The following KLF12 variants were observed in gnomAD, a reference collection of about 807,000 sequenced individuals.
KLF12 encodes KLF transcription factor 12, also known as Krueppel-like factor 12.
In KLF12, 9 loss-of-function variants were observed where a neutral mutation model predicts 37.8. The ratio of observed to expected loss-of-function variants is 0.24; its 90% CI spans 0.14 to 0.42. KLF12 has a LOEUF of 0.42. KLF12 is among the 10% of genes least tolerant of loss of function. The pLI, the probability that KLF12 is intolerant of heterozygous loss-of-function variation, is 1.00. For synonymous variants in KLF12, 208 were observed against 202.1 expected (o/e 1.03, Z -0.25); for missense variants, 411 against 516.0 (o/e 0.80, Z 1.97).
chr13:74,163,026 A>G, the KLF12 span, among the ~76,000 whole-genome samples: 1 of 152,202 alleles, frequency 6.6e-6, no homozygotes, highest in African/African-American at 2.4e-5. Flanking sequence ...GGAATTAGTA[A>G]AATAAAAACA....
At chr13:74,037,194 C>T (rs1220246003) in intron 1 of KLF12, among the ~76,000 whole-genome samples, 1 of 143,444 alleles carries the variant, frequency 7.0e-6, no homozygotes, top group African/African-American at 2.6e-5. Context: ...CAGAGCAAGA[C>T]TCCGTCTCCA....
chr13:73,971,158 C>CA (rs1891326304), intron 2 of KLF12, among the ~76,000 whole-genome samples: 2 of 151,880 alleles, frequency 1.3e-5, no homozygotes, highest in South Asian at 2.1e-4. Context: ...ATGGTTCCGC[C>CA]AAAAAAATGC....
At chr13:74,103,042 C>A (rs1876450339) in intron 1 of KLF12, among the ~76,000 whole-genome samples, 1 of 152,206 alleles carries the variant, frequency 6.6e-6, no homozygotes, top group African/African-American at 2.4e-5. Flanking sequence ...GGATGACAGG[C>A]ATCATGGCTA....
At chr13:73,849,372 CCATAAAA>C (rs1885196401) in intron 3 of KLF12, among the ~76,000 whole-genome samples, 1 of 70,592 alleles carries the variant, frequency 1.4e-5, no homozygotes. Flanking sequence ...GAGGGAGACT[CCATAAAA>C]AAAAAAAAAA....
chr13:74,148,371 C>T, the KLF12 span, among the ~76,000 whole-genome samples: 5 of 133,732 alleles, frequency 3.7e-5, no homozygotes, highest in Non-Finnish European at 6.4e-5. Flanking sequence ...TTTCTCTGTT[C>T]TTTGTCACAA....
At chr13:73,743,838 C>T (rs969442567) in intron 6 of KLF12, among the ~76,000 whole-genome samples, 4 of 152,082 alleles carry the variant, frequency 2.6e-5, no homozygotes, top group Non-Finnish European at 5.9e-5. Context: ...AAGAAAGTTA[C>T]GCTTCCAGGA....
chr13:73,803,195 T>C (rs534204675), intron 5 of KLF12, among the ~76,000 whole-genome samples: 1 of 152,334 alleles, frequency 6.6e-6, no homozygotes, highest in African/African-American at 2.4e-5. Flanking sequence ...CCCTAGGGAT[T>C]TGATGCTAGA....
chr13:73,942,103 T>A (rs925174821), intron 3 of KLF12, among the ~76,000 whole-genome samples: 3 of 152,198 alleles, frequency 2.0e-5, no homozygotes, highest in African/African-American at 4.8e-5. Flanking sequence ...CCTAAATATT[T>A]CAGGTAGACC....
At chr13:74,121,380 G>A (rs12428422) in intron 1 of KLF12, among the ~76,000 whole-genome samples, 28,252 of 151,784 alleles carry the variant, frequency 0.19, 3,431 homozygotes, top group African/African-American at 0.34. Flanking sequence ...CTCATTATAC[G>A]ACGTTATGAA....
rs756142584 is a variant in KLF12 at position 73,695,641 on chromosome 13, C to G, written c.1058G>C (p.Gly353Ala). 1 of 1,614,064 alleles carries G rather than the reference C, an allele frequency of 6.2e-7. No homozygotes were observed. Among genetic ancestry groups the G allele is most frequent in the East Asian group, 2.2e-5 (1 of 44,874 alleles). The change falls in exon 8 of 8, where the codon GGC becomes GCC. Residue 353 changes from glycine (G) to alanine (A), a missense_variant. Transcript: ENST00000377669. ...TGAACGAGCGAACTTCCAGGTGCAG[C>G]CTTCCCAGGTACACTTGTAAGGTTT...
chr13:73,778,279 G>A (rs1464695919), intron 5 of KLF12, among the ~76,000 whole-genome samples: 2 of 152,192 alleles, frequency 1.3e-5, no homozygotes, highest in Non-Finnish European at 2.9e-5. Context: ...CATGACACTT[G>A]GCAGTTACAC....
intron 3 of KLF12, among the ~76,000 whole-genome samples, chr13:73,859,764 A>G (rs1401402322): frequency 6.6e-6 from 1 of 152,046 alleles, no homozygotes; most frequent in Non-Finnish European, 1.5e-5. Context: ...GTCATGCTGT[A>G]TGGGATATGT....
the KLF12 span, among the ~76,000 whole-genome samples, chr13:74,220,341 C>T: frequency 6.6e-6 from 1 of 152,058 alleles, no homozygotes; most frequent in Admixed American, 6.6e-5. Context: ...TAAGAGGATG[C>T]TTTAAAATTT....
intron 6 of KLF12, among the ~76,000 whole-genome samples, chr13:73,716,662 T>C (rs1875832267): frequency 6.6e-6 from 1 of 152,210 alleles, no homozygotes; most frequent in Non-Finnish European, 1.5e-5. Context: ...AATCTGCATT[T>C]ACAGACATTC....
At chr13:73,717,972 G>GGAAGTCAT (rs1225044711) in intron 6 of KLF12, among the ~76,000 whole-genome samples, 2 of 152,120 alleles carry the variant, frequency 1.3e-5, no homozygotes, top group African/African-American at 4.8e-5. Flanking sequence ...CTGAAAAAAA[G>GGAAGTCAT]GAAGTCATTC....
At chr13:73,944,181 A>G in intron 2 of KLF12, 111 bp from the exon 3 acceptor site, 1 of 675,584 alleles carries the variant, frequency 1.5e-6, no homozygotes, top group East Asian at 2.8e-5. Context: ...CTAATTTTTT[A>G]AACAATAAAG....
At chr13:74,255,161 A>T in the KLF12 span, among the ~76,000 whole-genome samples, 1 of 152,200 alleles carries the variant, frequency 6.6e-6, no homozygotes, top group Non-Finnish European at 1.5e-5. Flanking sequence ...TACTTTAAGG[A>T]AGGGACCATT....
At chr13:73,698,826 G>T (rs1874334549) in intron 7 of KLF12, among the ~76,000 whole-genome samples, 1 of 151,942 alleles carries the variant, frequency 6.6e-6, no homozygotes, top group Non-Finnish European at 1.5e-5. Context: ...TATAAGAGAT[G>T]GCCATCTCTG....
intron 1 of KLF12, among the ~76,000 whole-genome samples, chr13:74,041,398 T>C (rs1893398476): frequency 6.6e-6 from 1 of 152,208 alleles, no homozygotes; most frequent in Non-Finnish European, 1.5e-5. Context: ...TTTTTGTGAT[T>C]ACTGTCCTTC....
Sources: allele counts gnomAD v4.1 joint callset (sites outside exome capture counted in the v4.1 genomes callset), GRCh38; gene constraint gnomAD v4.1.1; transcripts MANE v1.5; gene names NCBI Gene and HGNC (gene_info 2026-07-23, HGNC 2026-07-21).